The following GPM6A variants were observed in gnomAD, a reference collection of about 807,000 sequenced individuals.
GPM6A encodes neuronal membrane glycoprotein M6-a.
A neutral mutation model predicts 32.1 loss-of-function variants in GPM6A; 7 were observed. The ratio of observed to expected loss-of-function variants is 0.22; its 90% confidence interval spans 0.12 to 0.41. The LOEUF (loss-of-function observed/expected upper bound fraction) is 0.41, where lower values mean the gene tolerates loss of function less well. GPM6A is among the 10% of genes least tolerant of loss of function. The pLI, the probability that GPM6A is intolerant of heterozygous loss-of-function variation, is 1.00. For missense variants in GPM6A, 235 were observed against 347.2 expected, an observed-to-expected ratio of 0.68 and a Z score of 2.57; for synonymous variants, 130 against 123.4, an observed-to-expected ratio of 1.05 and a Z score of -0.35.
intron 1 of GPM6A, among the ~76,000 whole-genome samples, chr4:175,835,334 C>G (rs969929090): frequency 2.0e-5 from 3 of 152,058 alleles, no homozygotes; most frequent in African/African-American, 7.2e-5. Context: ...AAGCTTACCT[C>G]TTCAAGAATA....
chr4:175,850,607 A>C (rs1736224129), intron 1 of GPM6A, among the ~76,000 whole-genome samples: 1 of 152,166 alleles, frequency 6.6e-6, no homozygotes, highest in Non-Finnish European at 1.5e-5. Flanking sequence ...GACAGCAAAA[A>C]TAGTCTGAAC....
intron 1 of GPM6A, among the ~76,000 whole-genome samples, chr4:175,749,105 A>G (rs201607845): frequency 6.6e-6 from 1 of 152,148 alleles, no homozygotes; most frequent in Non-Finnish European, 1.5e-5. Flanking sequence ...GAGAACACAT[A>G]CAACTTTTAT....
chr4:175,655,859 A>T (rs973274479), intron 3 of GPM6A, among the ~76,000 whole-genome samples: 6 of 152,100 alleles, frequency 3.9e-5, no homozygotes, highest in African/African-American at 1.2e-4. Context: ...AAACAAGGGG[A>T]AGGTTCTATA....
intron 1 of GPM6A, among the ~76,000 whole-genome samples, chr4:175,857,963 A>T (rs961530539): frequency 3.3e-5 from 5 of 152,088 alleles, no homozygotes; most frequent in African/African-American, 1.2e-4. Flanking sequence ...ACCATTTATA[A>T]TAGCATCAAA....
rs754770533 is a variant in GPM6A at position 175,673,742 on chromosome 4, C to T, written c.325G>A (p.Ala109Thr). 1.6e-5 allele frequency: 25 copies of T among 1,612,682 alleles called. No individual in the cohort carries two copies. Among genetic ancestry groups the T allele is most frequent in the Non-Finnish European group, 8.5e-7 (1 of 1,179,040 alleles). Residue 109 changes from alanine to threonine, a missense_variant, in exon 3 of 7, where the codon GCC becomes ACC. Physicochemically the swap from Ala to Thr is moderately conservative, Grantham distance 58. This residue lies in a region of GPM6A where 101 missense variants were observed against 171.2 expected (regional missense o/e 0.59). Coordinates refer to ENST00000393658, the MANE Select transcript of GPM6A (RefSeq NM_201591.3). The part of the protein sequence containing the change: ...LMVEGFFTTG[A>T]IKDLYGDFKI... ...AAATCCCCATAGAGATCTTTGATGG[C>T]CCCAGTTGTGAAGAAACCTTCCACC... is the stretch of plus-strand genomic sequence containing the variant.
chr4:175,854,748 G>A (rs1037650449), intron 1 of GPM6A, among the ~76,000 whole-genome samples: 1 of 152,192 alleles, frequency 6.6e-6, no homozygotes, highest in Non-Finnish European at 1.5e-5. Context: ...CAGAGTAGCC[G>A]AGGGAATAGA....
chr4:175,948,602 A>G (rs144617536), intron 1 of GPM6A, among the ~76,000 whole-genome samples: 35 of 152,360 alleles, frequency 2.3e-4, no homozygotes, highest in African/African-American at 8.2e-4. Flanking sequence ...AATTATGATC[A>G]ATCCATCAAA....
intron 3 of GPM6A, among the ~76,000 whole-genome samples, chr4:175,663,947 T>C (rs12503908): frequency 1 from 152,236 of 152,272 alleles, 76,100 homozygotes; most frequent in Non-Finnish European, 1. Context: ...CCACCTCAGC[T>C]TCCCAAGGTG....
intron 1 of GPM6A, among the ~76,000 whole-genome samples, chr4:175,881,691 T>A (rs1456770721): frequency 6.6e-6 from 1 of 152,120 alleles, no homozygotes. Flanking sequence ...CATGTCCTTT[T>A]TAGGGACATG....
chr4:175,837,271 C>T (rs184531025), intron 1 of GPM6A, among the ~76,000 whole-genome samples: 49 of 152,244 alleles, frequency 3.2e-4, no homozygotes, highest in African/African-American at 1.2e-3. Context: ...CAGAAAGAAC[C>T]AACCTGCCTA....
At chr4:175,772,414 G>A (rs1280747896) in intron 1 of GPM6A, among the ~76,000 whole-genome samples, 1 of 152,184 alleles carries the variant, frequency 6.6e-6, no homozygotes, top group Non-Finnish European at 1.5e-5. Context: ...GCTTGCAAGA[G>A]TGTATCACTG....
At chr4:175,692,130 A>G (rs1450171624) in intron 2 of GPM6A, among the ~76,000 whole-genome samples, 2 of 152,146 alleles carry the variant, frequency 1.3e-5, no homozygotes, top group African/African-American at 2.4e-5. Context: ...AAGTAACCAT[A>G]TTTGTGGTAA....
At chr4:175,910,940 C>T (rs73011997) in intron 1 of GPM6A, among the ~76,000 whole-genome samples, 3,328 of 152,194 alleles carry the variant, frequency 0.022, 117 homozygotes, top group African/African-American at 0.076. Context: ...GGGGTTTGGC[C>T]CGAGGTCTTG....
chr4:175,641,070 T>G, intron 4 of GPM6A: 1 of 474,622 alleles, frequency 2.1e-6, no homozygotes, highest in Non-Finnish European at 3.8e-6. Context: ...TTCAATTGAA[T>G]CTCACCACCA....
chr4:175,937,707 A>T (rs557563372), intron 1 of GPM6A, among the ~76,000 whole-genome samples: 3 of 152,156 alleles, frequency 2.0e-5, no homozygotes, highest in South Asian at 4.1e-4. Flanking sequence ...TATTTTATAT[A>T]TTTACTTGAA....
intron 1 of GPM6A, among the ~76,000 whole-genome samples, chr4:175,707,573 G>A (rs1745270807): frequency 6.6e-6 from 1 of 151,772 alleles, no homozygotes; most frequent in Admixed American, 6.6e-5. Context: ...ATTATTTTGA[G>A]TTTGTGGATT....
chr4:175,784,828 CA>C, intron 1 of GPM6A, among the ~76,000 whole-genome samples: 1 of 152,226 alleles, frequency 6.6e-6, no homozygotes, highest in African/African-American at 2.4e-5. Flanking sequence ...CTCTTGGGAG[CA>C]AATTCTCTAA....
intron 1 of GPM6A, among the ~76,000 whole-genome samples, chr4:175,707,368 C>A (rs1560887484): frequency 6.6e-6 from 1 of 152,186 alleles, no homozygotes; most frequent in Admixed American, 6.5e-5. Flanking sequence ...TCAGCCAATG[C>A]ATTTTCTTCA....
chr4:175,959,302 A>G lies in GPM6A; in HGVS notation c.-23+43007T>C, dbSNP rs557148437. 2.6e-5 allele frequency among the ~76,000 whole-genome samples: 4 copies of G among 152,268 alleles called. No homozygotes were observed. In the East Asian group the frequency reaches 7.7e-4, roughly 29 times the overall value. ...TTCTGCACAGCTTAACGTTATACAC[A>G]TTATGAGAGCTCAGGGAACAGCCAG... On this transcript the variant is annotated intron_variant, in intron 1 of 7. Transcript: ENST00000280187.
Sources: allele counts gnomAD v4.1 joint callset (sites outside exome capture counted in the v4.1 genomes callset), GRCh38; gene constraint gnomAD v4.1.1; regional missense constraint gnomAD v4.1.1; transcripts MANE v1.5; gene names NCBI Gene and HGNC (gene_info 2026-07-23, HGNC 2026-07-21).